Variants in PCDHGB5 observed in about 807,000 individuals in gnomAD.
PCDHGB5 encodes the protein protocadherin gamma-B5.
Under a neutral mutation model 62.9 loss-of-function variants are expected in PCDHGB5, and 48 were observed. The ratio of observed to expected loss-of-function variants is 0.76; its 90% CI spans 0.61 to 0.97. The LOEUF is 0.97. Among genes scored for constraint, PCDHGB5 ranks in the 50% least tolerant of loss-of-function variants. PCDHGB5 has a pLI of 0.00. For synonymous variants in PCDHGB5, 474 were observed against 511.2 expected, an observed-to-expected ratio of 0.93 and a Z score of 0.98; for missense variants, 1,118 against 1,198.6, an observed-to-expected ratio of 0.93 and a Z score of 0.99.
chr5:141,412,209 T>G (rs917646798), intron 1 of PCDHGB5: 2 of 152,248 alleles, frequency 1.3e-5, no homozygotes. Flanking sequence ...TCATTTGACA[T>G]AAACACTTAC....
chr5:141,450,581 G>A (rs2098686464), intron 1 of PCDHGB5, among the ~76,000 whole-genome samples: 1 of 151,878 alleles, frequency 6.6e-6, no homozygotes, highest in Non-Finnish European at 1.5e-5. Context: ...CTGCCTCCCA[G>A]GTTCAAGCAA....
chr5:141,464,043 T>C (rs2099074643), intron 1 of PCDHGB5, among the ~76,000 whole-genome samples: 2 of 152,074 alleles, frequency 1.3e-5, no homozygotes, highest in African/African-American at 4.8e-5. Context: ...GGCGGGTGGA[T>C]CACCTGAGGT....
In PCDHGB5 at chr5:141,491,856, C is replaced by A. The variant is rs754113958; in HGVS notation, c.2398-2951C>A. On this transcript the variant is annotated intron_variant, in intron 1 of 3. Coordinates refer to ENST00000617380, the MANE Select transcript of PCDHGB5 (RefSeq NM_018925.3). This position sits in a 1 kb window ranked among gnomAD's most constrained non-coding sequence, Gnocchi z 6.9. ...TCTCGGGATCATTGGACCGTTTGCG[C>A]GAAACCAGAGTGGCCGATTAAGGGA... 6.9e-7 allele frequency: 1 copy of A among 1,458,728 alleles called. No individual in the cohort carries two copies. The highest frequency in any genetic ancestry group is 9.1e-7 in the Non-Finnish European group (1 of 1,103,072). The allele number at this position is 1,458,728 out of a possible 1,614,324, so 90.4% of individuals were successfully genotyped here. A position where few individuals can be genotyped will look rare whatever the true frequency, so the allele number is the denominator to read the frequency against.
At chr5:141,484,908 G>T in intron 1 of PCDHGB5, 1 of 415,428 alleles carries the variant, frequency 2.4e-6, no homozygotes, top group East Asian at 4.2e-5. Context: ...ATGCTGCGAC[G>T]CATTAACCCT....
intron 2 of PCDHGB5, among the ~76,000 whole-genome samples, chr5:141,500,774 A>G (rs1479931234): frequency 6.6e-6 from 1 of 152,188 alleles, no homozygotes; most frequent in Non-Finnish European, 1.5e-5. Context: ...TCTTATGAAT[A>G]TACATATTAT....
Position 141,490,900 on chromosome 5 carries a change from G to A in PCDHGB5, c.2398-3907G>A, listed in dbSNP as rs2099705863. 2 of 1,613,796 alleles carry A rather than the reference G, an allele frequency of 1.2e-6. No individual in the cohort carries two copies. The highest frequency in any genetic ancestry group is 2.7e-5 in the African/African-American group (2 of 75,050). ...TGCCAACACATCTCTGCATGTGTTT[G>A]TCCTAGACGAGAATGATAATGCCCC... On this transcript the variant is annotated intron_variant, in intron 1 of 3. Transcript: ENST00000617380. The surrounding 1 kb of genome is among the most constrained non-coding windows in gnomAD (Gnocchi z 5.4).
Position 141,477,797 on chromosome 5 carries a change from A to G in PCDHGB5, c.2398-17010A>G. ...CGTGAACATATTTGTCACTGATCGC[A>G]ATGACAATGCCCCCCAGGTCCTATA... On this transcript the variant is annotated intron_variant, in intron 1 of 3. Coordinates refer to ENST00000617380, the MANE Select transcript of PCDHGB5 (RefSeq NM_018925.3). This position sits in a 1 kb window ranked among gnomAD's most constrained non-coding sequence, Gnocchi z 4.9. 1.2e-6 allele frequency: 2 copies of G among 1,614,082 alleles called. No individual in the cohort carries two copies. Among genetic ancestry groups the G allele is most frequent in the Non-Finnish European group, 1.7e-6 (2 of 1,180,032 alleles).
intron 1 of PCDHGB5, chr5:141,426,680 T>C (rs1261836011): frequency 2.3e-6 from 1 of 431,334 alleles, no homozygotes; most frequent in East Asian, 7.2e-5. Flanking sequence ...CACCTCATTT[T>C]CCCCAAAATA....
chr5:141,413,880 T>G, intron 1 of PCDHGB5: 1 of 1,613,420 alleles, frequency 6.2e-7, no homozygotes, highest in Non-Finnish European at 8.5e-7. Flanking sequence ...TCAGTGTGAC[T>G]GTCTTCGATG....
intron 1 of PCDHGB5, chr5:141,419,577 C>T: frequency 3.7e-6 from 6 of 1,611,732 alleles, no homozygotes; most frequent in Non-Finnish European, 5.1e-6. Flanking sequence ...GACGGCTCCG[C>T]GCTCTTCGAC....
At chr5:141,418,403 G>T in intron 1 of PCDHGB5, 1 of 1,614,000 alleles carries the variant, frequency 6.2e-7, no homozygotes. Context: ...CTCATTGGTG[G>T]AGAAAGACAA....
At chr5:141,457,514 CAATT>C (rs1258794594) in intron 1 of PCDHGB5, among the ~76,000 whole-genome samples, 2 of 152,260 alleles carry the variant, frequency 1.3e-5, no homozygotes, top group African/African-American at 4.8e-5. Context: ...AGCTTAAAAA[CAATT>C]AATGAGACTA....
Position 141,489,368 on chromosome 5 carries a change from C to T in PCDHGB5, c.2398-5439C>T, listed in dbSNP as rs889945954. The T allele has an allele frequency of 1.2e-5, 20 of 1,613,264 alleles. No homozygotes were observed. The highest frequency in any genetic ancestry group is 1.6e-5 in the Non-Finnish European group (19 of 1,179,484). On this transcript the variant is annotated intron_variant, in intron 1 of 3. Transcript: ENST00000617380. The surrounding 1 kb of genome is among the most constrained non-coding windows in gnomAD (Gnocchi z 4.5). The stretch of plus-strand genomic sequence containing the variant: ...GTGGTGGAGGAGTCTGAGCCGGGGA[C>T]GCTGGTGGGGAATGTTGCTCAGGAT...
Position 141,490,896 on chromosome 5 carries a change from G to A in PCDHGB5, c.2398-3911G>A. 6.2e-7 allele frequency: 1 copy of A among 1,613,938 alleles called. No homozygotes were observed. Among genetic ancestry groups the A allele is most frequent in the Non-Finnish European group, 8.5e-7 (1 of 1,179,922 alleles). ...TGCATGCCAACACATCTCTGCATGTGTTTGTCCTAGACGAGAATGATAATG... is the reference window on the plus strand; with the variant it reads ...TGCATGCCAACACATCTCTGCATGTATTTGTCCTAGACGAGAATGATAATG... On this transcript the variant is annotated intron_variant, in intron 1 of 3. Coordinates refer to ENST00000617380, the MANE Select transcript of PCDHGB5 (RefSeq NM_018925.3). This position sits in a 1 kb window ranked among gnomAD's most constrained non-coding sequence, Gnocchi z 5.4.
At position 141,400,314 on chromosome 5, in the gene PCDHGB5, C is replaced by G. The variant is rs764415393; in HGVS notation, c.2187C>G (p.Val729=). The change falls in exon 1 of 4, where the codon GTC becomes GTG. Residue 729 remains valine (V), a synonymous_variant. Transcript: ENST00000617380. ...GCTGCTTCCAACCTGGTCTCTGTGT[C>G]AAGTCTGGACCTGTGGTTCCCCCCA... ...AWSCFQPGLC[V]KSGPVVPPNY... is the part of the protein sequence containing the mutation. 6.2e-7 allele frequency: 1 copy of G among 1,614,078 alleles called. No individual in the cohort carries two copies. The highest frequency in any genetic ancestry group is 8.5e-7 in the Non-Finnish European group (1 of 1,179,900).
At chr5:141,438,210 A>G (rs1228726792) in intron 1 of PCDHGB5, among the ~76,000 whole-genome samples, 2 of 152,188 alleles carry the variant, frequency 1.3e-5, no homozygotes, top group Non-Finnish European at 2.9e-5. Flanking sequence ...ACCATATGGG[A>G]AGGGCTCTGG....
chr5:141,489,086 G>A lies in PCDHGB5; in HGVS notation c.2398-5721G>A, dbSNP rs2233599. ...CCCCCCTGCCCACCCCCGCCACTCG[G>A]TGACTAAGAACTGCTGCAAGCAGGC... On this transcript the variant is annotated intron_variant, in intron 1 of 3. Coordinates refer to ENST00000617380, the MANE Select transcript of PCDHGB5 (RefSeq NM_018925.3). The surrounding 1 kb of genome is among the most constrained non-coding windows in gnomAD (Gnocchi z 4.5). 2.2e-3 allele frequency: 754 copies of A among 340,206 alleles called. 5 individuals carry two copies. Among genetic ancestry groups the A allele is most frequent in the African/African-American group, 0.018 (712 of 39,726 alleles). 21.1% of individuals were successfully genotyped at this position (340,206 alleles called of 1,614,324 possible).
At chr5:141,469,893 A>G (rs2099214569) in intron 1 of PCDHGB5, among the ~76,000 whole-genome samples, 1 of 152,200 alleles carries the variant, frequency 6.6e-6, no homozygotes, top group South Asian at 2.1e-4. Context: ...CACTTTGGGA[A>G]GCCGAGGCAG....
intron 2 of PCDHGB5, among the ~76,000 whole-genome samples, chr5:141,502,564 C>T (rs2099815067): frequency 1.3e-5 from 2 of 151,774 alleles, no homozygotes; most frequent in East Asian, 1.9e-4. Context: ...CCAGATCTCT[C>T]CATTATAAAA....
Sources: gnomAD v4.1 joint callset for allele counts (sites outside exome capture counted in the v4.1 genomes callset) on GRCh38, gnomAD v4.1.1 for gene constraint, Gnocchi (gnomAD v3.1) non-coding constraint, MANE v1.5 for transcripts, NCBI Gene and HGNC (gene_info 2026-07-23, HGNC 2026-07-21) for gene names.